Variants in IPO9 observed in about 807,000 individuals in gnomAD.
IPO9 encodes importin 9.
In IPO9, 28 loss-of-function variants were observed where a neutral mutation model predicts 128.6. That is an observed-to-expected ratio of 0.22 (90% CI 0.16 to 0.30). The LOEUF (loss-of-function observed/expected upper bound fraction) is 0.30. Among genes scored for constraint, IPO9 ranks in the 10% least tolerant of loss-of-function variants. The probability of loss-of-function intolerance (pLI) is 1.00; values close to 1 mark genes in which losing one functional copy is unlikely to be tolerated. For missense variants in IPO9, 935 were observed against 1,293.9 expected, an observed-to-expected ratio of 0.72 and a Z score of 4.26; for synonymous variants, 455 against 475.8, an observed-to-expected ratio of 0.96 and a Z score of 0.57.
intron 20 of IPO9, among the ~76,000 whole-genome samples, chr1:201,873,193 A>G (rs926017115): frequency 4.6e-5 from 7 of 152,232 alleles, no homozygotes; most frequent in South Asian, 2.1e-4. Flanking sequence ...CTGTAATCCC[A>G]GCACTTGGTG....
rs1215672441 is a variant in IPO9, at chr1:201,876,190, A to G, written c.*136A>G. On this transcript the variant is annotated 3_prime_UTR_variant, in exon 24 of 24. Coordinates refer to ENST00000361565, the MANE Select transcript of IPO9 (RefSeq NM_018085.5). ...CTTGGCCCTTGGCCTCGGCAGTGAC[A>G]CTGATGACAATTCAGACCAGGCTCA... 1.3e-6 allele frequency: 1 copy of G among 761,168 alleles called. No homozygotes were observed. 47.2% of individuals were successfully genotyped at this position (761,168 alleles called of 1,614,324 possible).
At chr1:201,866,671 T>G (rs1680559482) in intron 14 of IPO9, 62 bp from the exon 15 acceptor site, 2 of 1,273,206 alleles carry the variant, frequency 1.6e-6, no homozygotes, top group African/African-American at 1.5e-5. Context: ...TATGTGAGAT[T>G]GATTGGGAAA....
At chr1:201,850,398 A>G (rs1680192522) in intron 4 of IPO9, 1 of 152,244 alleles carries the variant, frequency 6.6e-6, no homozygotes. Flanking sequence ...TCAAGATACT[A>G]TACCAGTTTC....
At chr1:201,834,150 G>T (rs988667917) in intron 1 of IPO9, among the ~76,000 whole-genome samples, 21 of 150,606 alleles carry the variant, frequency 1.4e-4, no homozygotes, top group African/African-American at 4.6e-4. Context: ...CCTAAATAGG[G>T]TAAAAAAAAT....
intron 1 of IPO9, among the ~76,000 whole-genome samples, chr1:201,836,833 A>T (rs1357609227): frequency 6.6e-6 from 1 of 152,172 alleles, no homozygotes; most frequent in East Asian, 1.9e-4. Flanking sequence ...CATGTTGGAC[A>T]TGTGGTCATA....
In IPO9 at chr1:201,855,853, C is replaced by T; in HGVS notation, c.1041C>T (p.Ser347=). 6.2e-7 allele frequency: 1 copy of T among 1,612,414 alleles called. No homozygotes were observed. The highest frequency in any genetic ancestry group is 1.3e-5 in the African/African-American group (1 of 74,958). ...TTGTCCATGCTCTACTAGAAAATAG[C>T]AAATTCAAAAGCACTGTTAAGAAAG... The part of the protein sequence containing the change: ...FEFVHALLEN[S]KFKSTVKKAL... Residue 347 remains serine (S), a synonymous_variant, in exon 10 of 24, where the codon AGC becomes AGT. Coordinates refer to ENST00000361565, the MANE Select transcript of IPO9 (RefSeq NM_018085.5).
At chr1:201,830,376 C>T (rs1282190517) in intron 1 of IPO9, among the ~76,000 whole-genome samples, 1 of 152,186 alleles carries the variant, frequency 6.6e-6, no homozygotes, top group East Asian at 1.9e-4. Context: ...TCCTACTGGA[C>T]GTATTTCTAT....
At position 201,883,798 on chromosome 1, in the gene IPO9, A is replaced by G. The variant is rs1438971225; in HGVS notation, c.*7744A>G. 1 of 152,278 alleles carries G rather than the reference A, an allele frequency of 6.6e-6. No homozygotes were observed. Among genetic ancestry groups the G allele is most frequent in the Non-Finnish European group, 1.5e-5 (1 of 68,052 alleles). The allele number at this position is 152,278 out of a possible 1,614,324, so 9.4% of individuals were successfully genotyped here. On this transcript the variant is annotated 3_prime_UTR_variant, in exon 24 of 24. Transcript: ENST00000361565. Reference sequence around the variant, plus strand: ...TCCACACCTGATTTTGTGATTGCAAATTCATAACTAATATCCCTCGTCAGC... The same window carrying G: ...TCCACACCTGATTTTGTGATTGCAAGTTCATAACTAATATCCCTCGTCAGC...
rs1346034623 is a variant in IPO9, at chr1:201,882,232, G to A, written c.*6178G>A. 1 of 151,954 alleles carries A rather than the reference G, an allele frequency of 6.6e-6. No individual in the cohort carries two copies. Among genetic ancestry groups the A allele is most frequent in the Non-Finnish European group, 1.5e-5 (1 of 68,014 alleles). 9.4% of individuals were successfully genotyped at this position (151,954 alleles called of 1,614,324 possible). A position where few individuals can be genotyped will look rare whatever the true frequency, so the allele number is the denominator to read the frequency against. ...GGACCACGACATCAAGAGTTCAAGA[G>A]CAGCCTGGCCAGCATGGTGAAACCC... On this transcript the variant is annotated 3_prime_UTR_variant, in exon 24 of 24. Coordinates refer to ENST00000361565, the MANE Select transcript of IPO9 (RefSeq NM_018085.5).
chr1:201,839,917 C>T (rs371867845), intron 1 of IPO9, among the ~76,000 whole-genome samples: 1 of 152,188 alleles, frequency 6.6e-6, no homozygotes, highest in African/African-American at 2.4e-5. Context: ...ATGTATACTA[C>T]AGACAAAAGG....
At position 201,831,042 on chromosome 1, in the gene IPO9, G is replaced by A. The variant is rs184676566; in HGVS notation, c.163+1670G>A. Among the ~76,000 whole-genome samples the A allele has an allele frequency of 7.9e-4, 120 of 151,950 alleles. 1 individual carries two copies. The highest frequency in any genetic ancestry group is 1.5e-3 in the Non-Finnish European group (99 of 67,994). On this transcript the variant is annotated intron_variant, in intron 1 of 23. Coordinates refer to ENST00000361565, the MANE Select transcript of IPO9 (RefSeq NM_018085.5). ...TCTTGAGACTGGGTCTCGCTCTATC[G>A]TGTAGACTTTGGAGCAGTGATGCCA...
In IPO9 at chr1:201,879,479, C is replaced by T. The variant is rs1680843569; in HGVS notation, c.*3425C>T. On this transcript the variant is annotated 3_prime_UTR_variant, in exon 24 of 24. Transcript: ENST00000361565. ...CAGATGACTTTTTTTATGCCTTACC[C>T]ATTCCACAAAAGAATTTGAAGCCAT... 1 of 152,146 alleles carries T rather than the reference C, an allele frequency of 6.6e-6. No homozygotes were observed. Among genetic ancestry groups the T allele is most frequent in the Non-Finnish European group, 1.5e-5 (1 of 68,022 alleles). The allele number at this position is 152,146 out of a possible 1,614,324, so 9.4% of individuals were successfully genotyped here.
At position 201,859,099 on chromosome 1, in the gene IPO9, A is replaced by C; in HGVS notation, c.1468+105A>C. 4 of 1,144,108 alleles carry C rather than the reference A, an allele frequency of 3.5e-6. No homozygotes were observed. In the South Asian group the frequency reaches 6.9e-5, roughly 20 times the overall value. 70.9% of individuals were successfully genotyped at this position (1,144,108 alleles called of 1,614,324 possible). On this transcript the variant is annotated intron_variant, in intron 13 of 23. Transcript: ENST00000361565. ...TATACCTGATGTAAGTGACAAGTTA[A>C]TGGGTGCAGCACACCAACATGGCAC...
At chr1:201,857,923 C>T (rs1244373295) in intron 11 of IPO9, among the ~76,000 whole-genome samples, 1 of 152,180 alleles carries the variant, frequency 6.6e-6, no homozygotes, top group Non-Finnish European at 1.5e-5. Flanking sequence ...AATACCTGCT[C>T]ATGTTTTCTT....
At chr1:201,836,637 A>G (rs937897135) in intron 1 of IPO9, among the ~76,000 whole-genome samples, 4 of 152,244 alleles carry the variant, frequency 2.6e-5, no homozygotes, top group Non-Finnish European at 5.9e-5. Flanking sequence ...TAAGTAAACT[A>G]AAGTATTATG....
At chr1:201,847,731 C>T (rs936238427) in intron 3 of IPO9, 93 bp downstream of exon 3, 1 of 892,528 alleles carries the variant, frequency 1.1e-6, no homozygotes, top group African/African-American at 1.7e-5. Context: ...ATGGAGCAAT[C>T]AAAAGACTAG....
rs144068744 is a variant in IPO9 at position 201,851,622 on chromosome 1, A to T, written c.515-482A>T. Among the ~76,000 whole-genome samples, 451 of 152,268 alleles carry T rather than the reference A, an allele frequency of 3.0e-3. 1 individual carries two copies. Among genetic ancestry groups the T allele is most frequent in the African/African-American group, 0.011 (442 of 41,542 alleles). ...CTGACTTTTAGGTCAATAAAATCTG[A>T]GAAGAGTAACATATACAAAGAGGAG... On this transcript the variant is annotated intron_variant, in intron 4 of 23. Coordinates refer to ENST00000361565, the MANE Select transcript of IPO9 (RefSeq NM_018085.5).
At position 201,874,820 on chromosome 1, in the gene IPO9, A is replaced by ATCTCC; in HGVS notation, c.2834-11_2834-7dup. 6.4e-7 allele frequency: 1 copy of ATCTCC among 1,573,706 alleles called. No homozygotes were observed. The highest frequency in any genetic ancestry group is 8.7e-7 in the Non-Finnish European group (1 of 1,143,242). Reference sequence around the variant, plus strand: ...TGTGCTCTAGCTCTAGCTGCTTTTCATCTCCAAGTAGATGACTCCAATGAT... The same window carrying ATCTCC: ...TGTGCTCTAGCTCTAGCTGCTTTTCATCTCCTCTCCAAGTAGATGACTCCAATGAT... On this transcript the variant is annotated splice_polypyrimidine_tract_variant and intron_variant, in intron 21 of 23. Transcript: ENST00000361565.
chr1:201,839,560 C>CAAAA (rs4025036), intron 1 of IPO9, among the ~76,000 whole-genome samples: 6 of 33,932 alleles, frequency 1.8e-4, no homozygotes, highest in Non-Finnish European at 2.4e-4. Flanking sequence ...GACTCCATCT[C>CAAAA]AAAAAAAAAA....
Sources: allele counts gnomAD v4.1 joint callset (sites outside exome capture counted in the v4.1 genomes callset), GRCh38; gene constraint gnomAD v4.1.1; transcripts MANE v1.5; gene names NCBI Gene and HGNC (gene_info 2026-07-23, HGNC 2026-07-21).